GSE1: variants seen among roughly 807,000 people sequenced by gnomAD.
GSE1 encodes genetic suppressor element 1.
Under a neutral mutation model 112.6 loss-of-function variants are expected in GSE1, and 32 were observed. That is an observed-to-expected ratio of 0.28 (90% CI 0.21 to 0.38). The LOEUF is 0.38. Among genes scored for constraint, GSE1 ranks in the 10% least tolerant of loss-of-function variants. The probability of loss-of-function intolerance (pLI) is 1.00; values close to 1 mark genes in which losing one functional copy is unlikely to be tolerated. For synonymous variants in GSE1, 1,115 were observed against 735.6 expected, an observed-to-expected ratio of 1.52 and a Z score of -8.35; for missense variants, 2,348 against 1,699.2, an observed-to-expected ratio of 1.38 and a Z score of -6.71.
chr16:85,287,977 C>CTGAG (rs1241682582), intron 1 of GSE1, among the ~76,000 whole-genome samples: 16 of 152,190 alleles, frequency 1.1e-4, no homozygotes, highest in Admixed American at 9.2e-4. Context: ...CGGTGGCTCA[C>CTGAG]GCCTGTAATC....
At chr16:85,178,679 G>A (rs2143255040) in intron 1 of GSE1, among the ~76,000 whole-genome samples, 1 of 152,114 alleles carries the variant, frequency 6.6e-6, no homozygotes, top group East Asian at 1.9e-4. Context: ...TGTTTACTGA[G>A]TGCCCACTGT....
At chr16:85,510,707 G>A (rs2051713442) in intron 2 of GSE1, among the ~76,000 whole-genome samples, 1 of 152,176 alleles carries the variant, frequency 6.6e-6, no homozygotes, top group South Asian at 2.1e-4. Flanking sequence ...CATGAAGAGT[G>A]AAAGTCAGAG....
chr16:85,529,253 C>G (rs1413696262), intron 2 of GSE1, among the ~76,000 whole-genome samples: 1 of 152,138 alleles, frequency 6.6e-6, no homozygotes, highest in African/African-American at 2.4e-5. Context: ...CGGTGTGTGG[C>G]CCGGAAGGCC....
chr16:85,202,771 T>C (rs2075051184), intron 1 of GSE1, among the ~76,000 whole-genome samples: 1 of 152,210 alleles, frequency 6.6e-6, no homozygotes, highest in African/African-American at 2.4e-5. Flanking sequence ...GGAGCCCTTC[T>C]GGGAGTCCAG....
At chr16:85,246,271 A>C (rs1395631062) in intron 1 of GSE1, among the ~76,000 whole-genome samples, 1 of 132,580 alleles carries the variant, frequency 7.5e-6, no homozygotes, top group East Asian at 2.2e-4. Flanking sequence ...ACACACACAC[A>C]CACCCCACAC....
At chr16:85,172,218 T>C (rs2143136261) in intron 1 of GSE1, among the ~76,000 whole-genome samples, 1 of 152,272 alleles carries the variant, frequency 6.6e-6, no homozygotes, top group South Asian at 2.1e-4. Flanking sequence ...GCTCACCCGG[T>C]TTGAAACACA....
intron 3 of GSE1, among the ~76,000 whole-genome samples, chr16:85,652,612 G>T (rs559735468): frequency 2.0e-5 from 3 of 152,298 alleles, no homozygotes; most frequent in Non-Finnish European, 4.4e-5. Context: ...GGTGGAGAGA[G>T]GGGAGGCGCC....
Position 85,480,575 on chromosome 16 carries a change from C to A in GSE1, c.2464+122932C>A, listed in dbSNP as rs574622574. Among the ~76,000 whole-genome samples the A allele has an allele frequency of 1.5e-3, 235 of 152,342 alleles. 2 individuals are homozygous for A. The highest frequency in any genetic ancestry group is 2.9e-3 in the Admixed American group (44 of 15,304). On this transcript the variant is annotated intron_variant, in intron 2 of 2. Coordinates refer to the GSE1 transcript ENST00000637419. ...TGGAGCCCCCACCTTCCCCCGCCAC[C>A]CAGAACAAATCACATGGCCCATCGG...
chr16:85,205,321 G>A (rs1341797692), intron 1 of GSE1, among the ~76,000 whole-genome samples: 3 of 152,016 alleles, frequency 2.0e-5, no homozygotes, highest in Non-Finnish European at 2.9e-5. Context: ...TGGTAGAGAC[G>A]GGGTTTCGCC....
At chr16:85,453,081 CG>C (rs2151807533) in intron 2 of GSE1, among the ~76,000 whole-genome samples, 1 of 152,334 alleles carries the variant, frequency 6.6e-6, no homozygotes, top group East Asian at 1.9e-4. Flanking sequence ...AGATGAGTCA[CG>C]GAAGCTCCTG....
At position 85,670,888 on chromosome 16, in the gene GSE1, GGA is replaced by G. The variant is rs1381843592; in HGVS notation, c.3416-101_3416-100del. ...AGGAGAGGCCTTCGCTGGCTGCACT[GGA>G]GAGAGGTTTTGGGCTCTGCTGGGCA... On this transcript the variant is annotated intron_variant, in intron 14 of 15. Coordinates refer to ENST00000253458, the MANE Select transcript of GSE1 (RefSeq NM_014615.5). 62 of 715,480 alleles carry G rather than the reference GGA, an allele frequency of 8.7e-5. 1 individual carries two copies. The South Asian group carries it at 9.0e-4, about 10-fold the overall frequency. The allele number at this position is 715,480 out of a possible 1,614,324, so 44.3% of individuals were successfully genotyped here. A position where few individuals can be genotyped will look rare whatever the true frequency, so the allele number is the denominator to read the frequency against.
At chr16:85,403,975 A>T (rs1466782081) in intron 2 of GSE1, among the ~76,000 whole-genome samples, 1 of 151,882 alleles carries the variant, frequency 6.6e-6, no homozygotes, top group East Asian at 1.9e-4. Context: ...CGCTCACTGC[A>T]GCCTTCAGGG....
chr16:85,375,831 C>A (rs954109166), intron 2 of GSE1, among the ~76,000 whole-genome samples: 2 of 152,252 alleles, frequency 1.3e-5, no homozygotes, highest in African/African-American at 2.4e-5. Flanking sequence ...AAGTGAGATA[C>A]TGGAAGGGAA....
At chr16:85,447,337 C>G (rs190225745) in intron 2 of GSE1, among the ~76,000 whole-genome samples, 4 of 152,346 alleles carry the variant, frequency 2.6e-5, no homozygotes, top group Admixed American at 2.6e-4. Flanking sequence ...CTCATATAAA[C>G]ACGTGGTGGC....
chr16:85,553,416 G>C (rs916305500), upstream of GSE1, among the ~76,000 whole-genome samples: 1 of 151,748 alleles, frequency 6.6e-6, no homozygotes, highest in African/African-American at 2.4e-5. Flanking sequence ...GGTCAGCGCG[G>C]GGCGGAGCAG....
chr16:85,530,333 C>T (rs1452532304), intron 2 of GSE1, among the ~76,000 whole-genome samples: 1 of 152,204 alleles, frequency 6.6e-6, no homozygotes, highest in African/African-American at 2.4e-5. Flanking sequence ...GGAGCAAGGG[C>T]GCGAATGTAT....
At chr16:85,633,570 C>G (rs973024681) in intron 1 of GSE1, among the ~76,000 whole-genome samples, 6 of 152,214 alleles carry the variant, frequency 3.9e-5, no homozygotes, top group Non-Finnish European at 8.8e-5. Flanking sequence ...CTTCCCCACG[C>G]CATTTGATGG....
chr16:85,382,770 C>T (rs1040573029), intron 2 of GSE1, among the ~76,000 whole-genome samples: 1 of 151,386 alleles, frequency 6.6e-6, no homozygotes, highest in Non-Finnish European at 1.5e-5. Flanking sequence ...CATGTATGCA[C>T]ACCCATGCAT....
chr16:85,515,637 CGGG>C, intron 2 of GSE1, among the ~76,000 whole-genome samples: 1 of 77,222 alleles, frequency 1.3e-5, no homozygotes, highest in East Asian at 3.0e-4. Flanking sequence ...CTGAACAGGT[CGGG>C]GGGCGTGGAG....
Sources: gnomAD v4.1 joint callset for allele counts (sites outside exome capture counted in the v4.1 genomes callset) on GRCh38, gnomAD v4.1.1 for gene constraint, MANE v1.5 for transcripts, NCBI Gene and HGNC (gene_info 2026-07-23, HGNC 2026-07-21) for gene names.